Variants in SMARCAD1 observed in about 807,000 individuals in gnomAD.
SMARCAD1 encodes the protein SWI/SNF-related matrix-associated actin-dependent regulator of chromatin subfamily A containing DEAD/H box 1.
SMARCAD1 carries 25 observed loss-of-function variants against 127.1 expected under a neutral mutation model. The ratio of observed to expected loss-of-function variants is 0.20; its 90% confidence interval spans 0.14 to 0.27. The LOEUF is 0.27. Among genes scored for constraint, SMARCAD1 ranks in the 10% least tolerant of loss-of-function variants. SMARCAD1 has a pLI of 1.00. For synonymous variants in SMARCAD1, 400 were observed against 396.9 expected (o/e 1.01, Z -0.09); for missense variants, 807 against 1,206.0 (o/e 0.67, Z 4.90).
At chr4:94,220,777 A>T (rs1405056182) in intron 2 of SMARCAD1, among the ~76,000 whole-genome samples, 3 of 152,226 alleles carry the variant, frequency 2.0e-5, no homozygotes, top group African/African-American at 4.8e-5. Context: ...TAGTCAATGT[A>T]TTCTTAAAAT....
chr4:94,260,333 A>G (rs1750772664), intron 9 of SMARCAD1, among the ~76,000 whole-genome samples: 1 of 152,104 alleles, frequency 6.6e-6, no homozygotes, highest in South Asian at 2.1e-4. Flanking sequence ...TGCAAAATTA[A>G]TACTTTTTAT....
intron 2 of SMARCAD1, among the ~76,000 whole-genome samples, chr4:94,223,105 AT>A (rs1744412769): frequency 2.0e-5 from 3 of 152,266 alleles, no homozygotes; most frequent in African/African-American, 7.2e-5. Flanking sequence ...CACTAATTAA[AT>A]TTTTAGACCC....
intron 9 of SMARCAD1, among the ~76,000 whole-genome samples, chr4:94,254,738 T>C (rs1749797901): frequency 1.3e-5 from 2 of 152,136 alleles, no homozygotes; most frequent in Admixed American, 1.3e-4. Flanking sequence ...AAGTAAACTT[T>C]CTACTTGAGT....
At chr4:94,259,516 G>A (rs1004854884) in intron 9 of SMARCAD1, among the ~76,000 whole-genome samples, 1 of 152,066 alleles carries the variant, frequency 6.6e-6, no homozygotes, top group African/African-American at 2.4e-5. Flanking sequence ...GGAGGGGAGA[G>A]GTAGGGAGTG....
intron 3 of SMARCAD1, among the ~76,000 whole-genome samples, chr4:94,227,051 A>C (rs1329991345): frequency 6.6e-6 from 1 of 152,106 alleles, no homozygotes; most frequent in East Asian, 1.9e-4. Flanking sequence ...AAAAGCCTCA[A>C]TTGAGAAGAC....
rs1052398763 is a variant in SMARCAD1 at position 94,261,706 on chromosome 4, C to A, written c.1282-3001C>A. 3.3e-5 allele frequency among the ~76,000 whole-genome samples: 5 copies of A among 152,268 alleles called. No homozygotes were observed. In the South Asian group the frequency reaches 6.2e-4, roughly 19 times the overall value. On this transcript the variant is annotated intron_variant, in intron 9 of 23. Coordinates refer to ENST00000354268, the MANE Select transcript of SMARCAD1 (RefSeq NM_020159.5). ...CTCACTGCAACCTCTGACTCCCGGG[C>A]TCAAGCCATCGTCCCACCTCAGCCT...
chr4:94,246,200 A>G (rs1560535686), intron 6 of SMARCAD1, among the ~76,000 whole-genome samples: 1 of 150,496 alleles, frequency 6.6e-6, no homozygotes. Flanking sequence ...GCTCACCGCA[A>G]CCTCCGCCTC....
At chr4:94,263,136 A>G (rs1751261371) in intron 9 of SMARCAD1, among the ~76,000 whole-genome samples, 1 of 152,058 alleles carries the variant, frequency 6.6e-6, no homozygotes, top group Non-Finnish European at 1.5e-5. Context: ...ACTGAATAAA[A>G]GGTATCTAAT....
At chr4:94,212,995 C>A (rs2125789688) in intron 2 of SMARCAD1, 1 of 1,030,462 alleles carries the variant, frequency 9.7e-7, no homozygotes, top group Non-Finnish European at 1.3e-6. Context: ...GTTATTTACA[C>A]ATTATTTCTC....
chr4:94,266,217 T>G (rs1751712935), intron 10 of SMARCAD1, among the ~76,000 whole-genome samples: 2 of 152,116 alleles, frequency 1.3e-5, no homozygotes, highest in Admixed American at 1.3e-4. Flanking sequence ...TGGGGAGTTC[T>G]TCACTCTACA....
Position 94,227,144 on chromosome 4 carries a change from A to G in SMARCAD1, c.368+848A>G, listed in dbSNP as rs76550757. On this transcript the variant is annotated intron_variant, in intron 3 of 23. Transcript: ENST00000354268. ...ACCATGTAGATGTGGGGGAAAGAGT[A>G]TTCCAGGCATTGGGAATATCATGTT... is the stretch of plus-strand genomic sequence containing the variant. 4.7e-3 allele frequency among the ~76,000 whole-genome samples: 722 copies of G among 152,238 alleles called. 38 individuals carry two copies. The East Asian group carries it at 0.12, about 25-fold the overall frequency.
chr4:94,265,198 G>T (rs892244885), intron 10 of SMARCAD1, among the ~76,000 whole-genome samples: 1 of 151,802 alleles, frequency 6.6e-6, no homozygotes, highest in Non-Finnish European at 1.5e-5. Context: ...TATATAATCA[G>T]AGAAACTGAA....
chr4:94,284,438 ACT>A (rs755298216), intron 22 of SMARCAD1, among the ~76,000 whole-genome samples: 2 of 150,780 alleles, frequency 1.3e-5, no homozygotes, highest in Non-Finnish European at 2.9e-5. Flanking sequence ...ACAGAGCCTC[ACT>A]CTGGCTGGAG....
At chr4:94,284,340 A>G (rs1273943538) in intron 22 of SMARCAD1, among the ~76,000 whole-genome samples, 2 of 104,046 alleles carry the variant, frequency 1.9e-5, no homozygotes, top group East Asian at 3.6e-4. Flanking sequence ...AAAAAAAAAA[A>G]AAAAAAAAAA....
intron 9 of SMARCAD1, 36 bp from the exon 10 acceptor site, chr4:94,264,671 C>G (rs1560551732): frequency 1.3e-6 from 2 of 1,567,920 alleles, no homozygotes; most frequent in Non-Finnish European, 1.7e-6. Flanking sequence ...TTTCCTAGAT[C>G]TGAACTATTC....
intron 16 of SMARCAD1, among the ~76,000 whole-genome samples, chr4:94,278,018 C>G (rs529423754): frequency 2.0e-5 from 3 of 152,302 alleles, no homozygotes; most frequent in African/African-American, 7.2e-5. Flanking sequence ...TCAGTCTGCA[C>G]TAGCTTCCTT....
At chr4:94,213,187 A>G in intron 2 of SMARCAD1, 1 of 1,045,826 alleles carries the variant, frequency 9.6e-7, no homozygotes, top group Non-Finnish European at 1.3e-6. Flanking sequence ...GTATGGTGTG[A>G]TAAAACCATA....
intron 3 of SMARCAD1, among the ~76,000 whole-genome samples, chr4:94,227,615 G>T (rs1419068214): frequency 4.6e-5 from 7 of 152,174 alleles, no homozygotes; most frequent in Non-Finnish European, 1.0e-4. Context: ...GAGCAAACTG[G>T]AAGGATGGAG....
In SMARCAD1 at chr4:94,273,402, T is replaced by C. The variant is rs538962907; in HGVS notation, c.1573-215T>C. Among the ~76,000 whole-genome samples, 34 of 152,362 alleles carry C rather than the reference T, an allele frequency of 2.2e-4. No individual in the cohort carries two copies. In the South Asian group the frequency reaches 3.7e-3, roughly 17 times the overall value. On this transcript the variant is annotated intron_variant, in intron 11 of 23. Transcript: ENST00000354268. ...TATATGAACTAGCAATGAAGATCTA[T>C]CCACTGCTCAGTAAAGTAAGTTATA...
Sources: gnomAD v4.1 joint callset for allele counts (sites outside exome capture counted in the v4.1 genomes callset) on GRCh38, gnomAD v4.1.1 for gene constraint, MANE v1.5 for transcripts, NCBI Gene and HGNC (gene_info 2026-07-23, HGNC 2026-07-21) for gene names.